Variants in TNRC6B observed in about 807,000 individuals in gnomAD.
TNRC6B encodes the protein trinucleotide repeat containing adaptor 6B.
In TNRC6B, 52 loss-of-function variants were observed where a neutral mutation model predicts 203.6. The observed-to-expected ratio is 0.26, with a 90% CI of 0.20 to 0.32. TNRC6B has a LOEUF of 0.32. Ranked by LOEUF, TNRC6B falls within the 10% of genes least tolerant of loss-of-function variation. TNRC6B has a pLI of 1.00. For missense variants in TNRC6B, 1,923 were observed against 2,286.2 expected (o/e 0.84, Z 3.24); for synonymous variants, 838 against 845.7 (o/e 0.99, Z 0.16).
At chr22:40,112,101 A>G (rs1472276918) in intron 1 of TNRC6B, among the ~76,000 whole-genome samples, 1 of 152,190 alleles carries the variant, frequency 6.6e-6, no homozygotes, top group Non-Finnish European at 1.5e-5. Flanking sequence ...CTCCCTCTCA[A>G]AAAAGAGAAA....
At chr22:40,304,378 T>C (rs908825504) in intron 15 of TNRC6B, among the ~76,000 whole-genome samples, 2 of 152,196 alleles carry the variant, frequency 1.3e-5, no homozygotes, top group African/African-American at 4.8e-5. Flanking sequence ...CCCAGCACTT[T>C]GGGAGGCCAA....
chr22:40,242,436 C>CTT (rs907702738), intron 1 of TNRC6B, among the ~76,000 whole-genome samples: 1 of 146,290 alleles, frequency 6.8e-6, no homozygotes, highest in Non-Finnish European at 1.5e-5. Context: ...TTTTTCTTTT[C>CTT]TTTTTTTTTT....
intron 1 of TNRC6B, among the ~76,000 whole-genome samples, chr22:40,214,719 A>C (rs988857289): frequency 3.3e-5 from 5 of 151,894 alleles, no homozygotes; most frequent in Admixed American, 3.3e-4. Flanking sequence ...TGCCCAACTA[A>C]TTATTTTTTA....
At chr22:40,210,017 CA>C (rs34603156) in intron 1 of TNRC6B, among the ~76,000 whole-genome samples, 123 of 132,746 alleles carry the variant, frequency 9.3e-4, no homozygotes, top group East Asian at 1.1e-3. Context: ...GACTCTGTCT[CA>C]AAAAAAAAAA....
At chr22:40,059,266 G>A (rs2067827690) in intron 1 of TNRC6B, among the ~76,000 whole-genome samples, 1 of 152,072 alleles carries the variant, frequency 6.6e-6, no homozygotes, top group Non-Finnish European at 1.5e-5. Context: ...CTTAAGTAAC[G>A]CCTCCTTCAT....
In TNRC6B at chr22:40,266,470, A is replaced by G; in HGVS notation, c.2240A>G (p.Asn747Ser). ...QPNQGWSSGK[N>S]GWGEEVDQTK... ...AATCAAGGATGGTCTTCTGGAAAGAATGGTTGGGGGGAGGAAGTCGATCAG... is the reference window on the plus strand; with the variant it reads ...AATCAAGGATGGTCTTCTGGAAAGAGTGGTTGGGGGGAGGAAGTCGATCAG... Residue 747 changes from asparagine to serine, a missense_variant, in exon 5 of 23, where the codon AAT (asparagine) becomes AGT (serine). Coordinates refer to ENST00000454349, the MANE Select transcript of TNRC6B (RefSeq NM_001162501.2). 6.2e-7 allele frequency: 1 copy of G among 1,613,830 alleles called. No homozygotes were observed. Among genetic ancestry groups the G allele is most frequent in the Non-Finnish European group, 8.5e-7 (1 of 1,179,814 alleles).
chr22:40,195,228 AAC>A (rs2069321737), intron 1 of TNRC6B, among the ~76,000 whole-genome samples: 1 of 152,228 alleles, frequency 6.6e-6, no homozygotes, highest in African/African-American at 2.4e-5. Flanking sequence ...TTTTAAAAGA[AAC>A]AACACACCAA....
intron 1 of TNRC6B, among the ~76,000 whole-genome samples, chr22:40,214,950 C>T (rs2069615603): frequency 6.6e-6 from 1 of 152,108 alleles, no homozygotes; most frequent in Non-Finnish European, 1.5e-5. Context: ...TCCCTTGGTG[C>T]TCCTAGTTTT....
chr22:40,228,359 G>A (rs952304558), intron 1 of TNRC6B, among the ~76,000 whole-genome samples: 4 of 151,668 alleles, frequency 2.6e-5, no homozygotes, highest in Non-Finnish European at 4.4e-5. Context: ...GAACCCGGGA[G>A]GCGGAGGTTG....
At position 40,104,788 on chromosome 22, in the gene TNRC6B, A is replaced by T. The variant is rs113187549; in HGVS notation, c.-120-12267A>T. Among the ~76,000 whole-genome samples the T allele has an allele frequency of 1.6e-3, 243 of 152,264 alleles. 2 individuals are homozygous for T. Among genetic ancestry groups the T allele is most frequent in the South Asian group, 4.8e-3 (23 of 4,832 alleles). ...TCCAGGCACATTCCAAAAATTTTAC[A>T]TATGTTTACTCATTTAATCTTCACT... On this transcript the variant is annotated intron_variant, in intron 1 of 23. Coordinates refer to the TNRC6B transcript ENST00000301923.
intron 3 of TNRC6B, among the ~76,000 whole-genome samples, chr22:40,131,432 A>C (rs1051446500): frequency 2.6e-5 from 4 of 151,544 alleles, no homozygotes; most frequent in African/African-American, 4.9e-5. Context: ...TGCCAGAAAG[A>C]TATAAAGCAG....
At chr22:40,196,836 G>C (rs1569016599) in intron 1 of TNRC6B, among the ~76,000 whole-genome samples, 1 of 152,016 alleles carries the variant, frequency 6.6e-6, no homozygotes, top group East Asian at 1.9e-4. Context: ...GCTCTGGTCG[G>C]GGGGAAGGGA....
intron 1 of TNRC6B, among the ~76,000 whole-genome samples, chr22:40,197,477 C>T (rs766346309): frequency 2.6e-5 from 4 of 151,808 alleles, no homozygotes; most frequent in African/African-American, 4.8e-5. Context: ...TTAGTAGAGA[C>T]GGGGTTTCAC....
chr22:40,066,862 T>C (rs1369826156), intron 1 of TNRC6B, among the ~76,000 whole-genome samples: 1 of 151,790 alleles, frequency 6.6e-6, no homozygotes, highest in Non-Finnish European at 1.5e-5. Context: ...CCTTACTACA[T>C]TGCACTCTTA....
chr22:40,208,133 CAA>C (rs1399436419), intron 1 of TNRC6B, among the ~76,000 whole-genome samples: 1 of 108,970 alleles, frequency 9.2e-6, no homozygotes, highest in African/African-American at 2.7e-5. Context: ...AAAAAAAAAA[CAA>C]AAAAACAAGA....
At position 40,270,114 on chromosome 22, in the gene TNRC6B, C is replaced by A; in HGVS notation, c.2807-8C>A. ...AATGATTCTTAGAGACATTTCCTTT[C>A]TTTATAGTCTGGAGCAAAAGCACAC... On this transcript the variant is annotated splice_polypyrimidine_tract_variant and splice_region_variant and intron_variant, in intron 5 of 22. Coordinates refer to ENST00000454349, the MANE Select transcript of TNRC6B (RefSeq NM_001162501.2). 1 of 1,577,840 alleles carries A rather than the reference C, an allele frequency of 6.3e-7. No homozygotes were observed. The highest frequency in any genetic ancestry group is 2.3e-5 in the East Asian group (1 of 43,442).
At chr22:40,302,632 CAAAAAAAAA>C (rs200078286) in intron 15 of TNRC6B, among the ~76,000 whole-genome samples, 14,594 of 70,480 alleles carry the variant, frequency 0.21, 915 homozygotes, top group East Asian at 0.28. Flanking sequence ...GACCCCATCT[CAAAAAAAAA>C]AAAAAAAAAA....
chr22:40,261,137 T>C (rs977492744), intron 3 of TNRC6B, among the ~76,000 whole-genome samples: 5 of 151,206 alleles, frequency 3.3e-5, no homozygotes, highest in African/African-American at 1.2e-4. Context: ...AAAAAAAAAT[T>C]AGTTGGGCAT....
chr22:40,203,923 T>C (rs1297971246), intron 1 of TNRC6B, among the ~76,000 whole-genome samples: 1 of 152,176 alleles, frequency 6.6e-6, no homozygotes, highest in Non-Finnish European at 1.5e-5. Flanking sequence ...CTTTATGATG[T>C]GTCTATTTTG....
Sources: gnomAD v4.1 joint callset for allele counts (sites outside exome capture counted in the v4.1 genomes callset) on GRCh38, gnomAD v4.1.1 for gene constraint, MANE v1.5 for transcripts, NCBI Gene and HGNC (gene_info 2026-07-23, HGNC 2026-07-21) for gene names.